The following PLEKHA5 variants were observed in gnomAD, a reference collection of about 807,000 sequenced individuals.
PLEKHA5 encodes pleckstrin homology domain containing A5.
PLEKHA5 carries 55 observed loss-of-function variants against 181.9 expected under a neutral mutation model. The observed-to-expected ratio is 0.30, with a 90% CI of 0.24 to 0.38. PLEKHA5 has a LOEUF of 0.38. Ranked by LOEUF, PLEKHA5 falls within the 10% of genes least tolerant of loss-of-function variation. The pLI is 1.00. For synonymous variants in PLEKHA5, 535 were observed against 529.4 expected (o/e 1.01, Z -0.15); for missense variants, 1,432 against 1,549.5 (o/e 0.92, Z 1.27).
Position 19,341,566 on chromosome 12 carries a change from T to A in PLEKHA5, c.2551-1757T>A, listed in dbSNP as rs1324275695. ...TTTCTTTTTTTTTACTTTTTGATGCTTCCAGGCTGTAGCTTGGAAAACTAG... is the reference window on the plus strand; with the variant it reads ...TTTCTTTTTTTTTACTTTTTGATGCATCCAGGCTGTAGCTTGGAAAACTAG... On this transcript the variant is annotated intron_variant, in intron 21 of 31. Transcript: ENST00000429027. Among the ~76,000 whole-genome samples the A allele has an allele frequency of 2.0e-5, 3 of 152,116 alleles. No homozygotes were observed. In the East Asian group the frequency reaches 5.8e-4, roughly 29 times the overall value.
At chr12:19,240,137 C>T (rs564580796) in intron 3 of PLEKHA5, among the ~76,000 whole-genome samples, 4 of 152,210 alleles carry the variant, frequency 2.6e-5, no homozygotes, top group Admixed American at 1.3e-4. Context: ...GAATACTGCA[C>T]GATACGGAAT....
rs930768878 is a variant in PLEKHA5, at chr12:19,375,796, T to C, written c.*277T>C. ...GCACATAAGTAAAGGTGCTTTTTAA[T>C]GTGCAGTCTATTTCCAGAGCTTACT... On this transcript the variant is annotated 3_prime_UTR_variant, in exon 32 of 32. Coordinates refer to ENST00000429027, the MANE Select transcript of PLEKHA5 (RefSeq NM_001256470.2). The C allele has an allele frequency of 6.6e-6, 1 of 152,662 alleles. No individual in the cohort carries two copies. Among genetic ancestry groups the C allele is most frequent in the Non-Finnish European group, 1.5e-5 (1 of 68,040 alleles). The allele number at this position is 152,662 out of a possible 1,614,324, so 9.5% of individuals were successfully genotyped here.
chr12:19,343,344 C>T lies in PLEKHA5; in HGVS notation c.2572C>T (p.Arg858Cys), dbSNP rs770413546. Residue 858 changes from arginine to cysteine, a missense_variant, in exon 22 of 32, where the codon CGT becomes TGT. Around this residue, in one of 2 missense-constraint regions of PLEKHA5, gnomAD observed 1,143 missense variants for 1,168.4 expected, o/e 0.98. Coordinates refer to ENST00000429027, the MANE Select transcript of PLEKHA5 (RefSeq NM_001256470.2). ...ATAGACGGAATCAGCAGGAATTCAG[C>T]GTGCACAGATTCAGAAAGAACTTTG... ...EVQTESAGIQ[R>C]AQIQKELWRI... 9.3e-6 allele frequency: 15 copies of T among 1,612,348 alleles called. No homozygotes were observed. Among genetic ancestry groups the T allele is most frequent in the South Asian group, 1.1e-5 (1 of 91,028 alleles).
At chr12:19,136,069 A>T (rs2035565805) in intron 3 of PLEKHA5, among the ~76,000 whole-genome samples, 1 of 151,822 alleles carries the variant, frequency 6.6e-6, no homozygotes, top group African/African-American at 2.4e-5. Context: ...ATTGATTGAG[A>T]GAGACAGGGT....
At chr12:19,346,912 G>A in intron 23 of PLEKHA5, 82 bp from the exon 24 acceptor site, 1 of 876,940 alleles carries the variant, frequency 1.1e-6, no homozygotes, top group Non-Finnish European at 1.6e-6. Context: ...GTAAATTTAA[G>A]TTAATATACC....
At chr12:19,262,019 G>A (rs955586585) in intron 7 of PLEKHA5, among the ~76,000 whole-genome samples, 21 of 152,114 alleles carry the variant, frequency 1.4e-4, no homozygotes, top group South Asian at 8.3e-4. Flanking sequence ...CTGCAATTGC[G>A]GTGTTGTCTT....
chr12:19,251,253 A>C (rs546812267), intron 3 of PLEKHA5, among the ~76,000 whole-genome samples: 2 of 152,094 alleles, frequency 1.3e-5, no homozygotes, highest in East Asian at 3.9e-4. Flanking sequence ...AAAAATGGAA[A>C]AAATTAGCCA....
At chr12:19,173,005 C>CTTTTTTTTTTT (rs71064064) in intron 3 of PLEKHA5, among the ~76,000 whole-genome samples, 941 of 33,558 alleles carry the variant, frequency 0.028, 366 homozygotes, top group Non-Finnish European at 0.038. Context: ...ATTTCCCTTT[C>CTTTTTTTTTTT]TTTTTTTTTT....
At chr12:19,240,851 G>A (rs2062430075) in intron 3 of PLEKHA5, among the ~76,000 whole-genome samples, 1 of 151,946 alleles carries the variant, frequency 6.6e-6, no homozygotes, top group Admixed American at 6.6e-5. Context: ...GTTTTATTTT[G>A]AAAGTCAGTA....
In PLEKHA5 at chr12:19,172,114, A is replaced by G. The variant is rs191586608; in HGVS notation, c.227+39664A>G. On this transcript the variant is annotated intron_variant, in intron 3 of 31. Transcript: ENST00000429027. ...TTTGGTAAATACATAAGCCATTAAC[A>G]GTCATTTATCATTACCCAATATTAT... Among the ~76,000 whole-genome samples, 665 of 152,362 alleles carry G rather than the reference A, an allele frequency of 4.4e-3. 4 individuals are homozygous for G. Among genetic ancestry groups the G allele is most frequent in the Non-Finnish European group, 7.5e-3 (508 of 68,042 alleles).
intron 3 of PLEKHA5, among the ~76,000 whole-genome samples, chr12:19,184,643 G>A (rs561043016): frequency 6.6e-6 from 1 of 152,298 alleles, no homozygotes; most frequent in East Asian, 1.9e-4. Flanking sequence ...CAGATAGATT[G>A]AGAGGTAGGA....
intron 26 of PLEKHA5, among the ~76,000 whole-genome samples, chr12:19,357,175 T>C (rs2094983168): frequency 1.3e-5 from 2 of 152,072 alleles, no homozygotes; most frequent in South Asian, 4.1e-4. Flanking sequence ...GTTTTCTCTT[T>C]CAGGGTCAAG....
intron 16 of PLEKHA5, among the ~76,000 whole-genome samples, chr12:19,317,352 A>G (rs1281723798): frequency 6.7e-6 from 1 of 149,830 alleles, no homozygotes; most frequent in Admixed American, 6.7e-5. Context: ...ATGAGATACT[A>G]TCTCTTTTTT....
chr12:19,221,285 T>G (rs2058891518), intron 3 of PLEKHA5, among the ~76,000 whole-genome samples: 1 of 152,142 alleles, frequency 6.6e-6, no homozygotes, highest in South Asian at 2.1e-4. Flanking sequence ...CTGTGGTATA[T>G]CCAAATAATG....
rs1290156754 is a variant in PLEKHA5 at position 19,283,389 on chromosome 12, C to G, written c.1423C>G (p.Pro475Ala). 1 of 1,613,918 alleles carries G rather than the reference C, an allele frequency of 6.2e-7. No homozygotes were observed. Among genetic ancestry groups the G allele is most frequent in the Non-Finnish European group, 8.5e-7 (1 of 1,179,964 alleles). ...ACTCCCAAGAAACAGCAAGACAAGG[C>G]CTGAAAGTATCTGCAGTGTAACCCC... ...RTLPRNSKTR[P>A]ESICSVTPST... The change falls in exon 12 of 32, where the codon CCT (proline) becomes GCT (alanine). Residue 475 changes from proline (P) to alanine (A), a missense_variant. Transcript: ENST00000429027.
intron 15 of PLEKHA5, among the ~76,000 whole-genome samples, chr12:19,311,123 T>G (rs2152986098): frequency 6.6e-6 from 1 of 152,136 alleles, no homozygotes; most frequent in East Asian, 1.9e-4. Flanking sequence ...ATATTGCCCG[T>G]CGTAGAACCT....
chr12:19,230,839 G>A (rs138684880), intron 3 of PLEKHA5, among the ~76,000 whole-genome samples: 5 of 152,290 alleles, frequency 3.3e-5, no homozygotes, highest in Non-Finnish European at 5.9e-5. Flanking sequence ...CCTCAGGCAC[G>A]GCCAGAGTGG....
intron 30 of PLEKHA5, among the ~76,000 whole-genome samples, chr12:19,366,712 C>T (rs2095433018): frequency 6.6e-6 from 1 of 152,116 alleles, no homozygotes; most frequent in African/African-American, 2.4e-5. Flanking sequence ...GGGCTAGATT[C>T]TCAGAGTATT....
intron 22 of PLEKHA5, 30 bp downstream of exon 22, chr12:19,343,464 C>T (rs556729755): frequency 8.2e-7 from 1 of 1,223,580 alleles, no homozygotes; most frequent in Non-Finnish European, 1.2e-6. Context: ...TATTTTGTGA[C>T]TGACCACAGT....
Sources: allele counts gnomAD v4.1 joint callset (sites outside exome capture counted in the v4.1 genomes callset), GRCh38; gene constraint gnomAD v4.1.1; regional missense constraint gnomAD v4.1.1; transcripts MANE v1.5; gene names NCBI Gene and HGNC (gene_info 2026-07-23, HGNC 2026-07-21).